GABRB2: variants seen among roughly 807,000 people sequenced by gnomAD.
GABRB2 encodes the protein gamma-aminobutyric acid type A receptor subunit beta2, also known as gamma-aminobutyric acid receptor subunit beta-2.
GABRB2 carries 16 observed loss-of-function variants against 54.7 expected under a neutral mutation model. The ratio of observed to expected loss-of-function variants is 0.29; its 90% CI spans 0.20 to 0.44. The LOEUF (loss-of-function observed/expected upper bound fraction) is 0.44, where lower values mean the gene tolerates loss of function less well. GABRB2 is among the 20% of genes least tolerant of loss of function. The pLI, the probability that GABRB2 is intolerant of heterozygous loss-of-function variation, is 1.00. For synonymous variants in GABRB2, 244 were observed against 233.8 expected (o/e 1.04, Z -0.40); for missense variants, 355 against 644.0 (o/e 0.55, Z 4.86).
At chr5:161,431,051 A>T (rs1757158507) in intron 4 of GABRB2, among the ~76,000 whole-genome samples, 1 of 152,182 alleles carries the variant, frequency 6.6e-6, no homozygotes, top group Non-Finnish European at 1.5e-5. Flanking sequence ...TATCATTTTG[A>T]AAAAGAGATG....
chr5:161,493,134 T>C (rs905646176), intron 3 of GABRB2, among the ~76,000 whole-genome samples: 1 of 151,828 alleles, frequency 6.6e-6, no homozygotes, highest in East Asian at 1.9e-4. Flanking sequence ...ACAAAAAGTT[T>C]TGAATTGTTT....
intron 5 of GABRB2, among the ~76,000 whole-genome samples, chr5:161,357,560 G>C (rs945166095): frequency 6.6e-6 from 1 of 151,064 alleles, no homozygotes; most frequent in Non-Finnish European, 1.5e-5. Flanking sequence ...TGTGTGTTAA[G>C]AGAATTATTC....
intron 6 of GABRB2, among the ~76,000 whole-genome samples, chr5:161,335,615 A>G (rs1406338747): frequency 6.6e-6 from 1 of 152,178 alleles, no homozygotes; most frequent in East Asian, 1.9e-4. Flanking sequence ...AGTTCACATG[A>G]TAAGTAGCTT....
intron 3 of GABRB2, among the ~76,000 whole-genome samples, chr5:161,473,100 T>C (rs1325136439): frequency 6.6e-6 from 1 of 152,000 alleles, no homozygotes; most frequent in Non-Finnish European, 1.5e-5. Flanking sequence ...TATTTTTATA[T>C]TGAGTTTTTT....
intron 3 of GABRB2, among the ~76,000 whole-genome samples, chr5:161,498,515 G>A (rs1309224361): frequency 6.6e-6 from 1 of 152,108 alleles, no homozygotes; most frequent in East Asian, 1.9e-4. Context: ...TCTTCTTGCA[G>A]GTACCCCTTT....
At chr5:161,521,258 C>T (rs374738922) in intron 3 of GABRB2, among the ~76,000 whole-genome samples, 19 of 151,992 alleles carry the variant, frequency 1.3e-4, no homozygotes, top group African/African-American at 3.1e-4. Flanking sequence ...ATCACTAAAA[C>T]CTCCACCACT....
intron 8 of GABRB2, chr5:161,329,318 AATACT>A (rs1459931388): frequency 6.6e-6 from 1 of 152,156 alleles, no homozygotes; most frequent in Admixed American, 6.5e-5. Flanking sequence ...AGGTTTAGAA[AATACT>A]CTTTCATTTG....
chr5:161,368,204 T>C (rs1444714271), intron 5 of GABRB2, among the ~76,000 whole-genome samples: 1 of 150,372 alleles, frequency 6.7e-6, no homozygotes, highest in Non-Finnish European at 1.5e-5. Flanking sequence ...AAAATAATAT[T>C]AGGAAAGGTG....
In GABRB2 at chr5:161,411,932, A is replaced by G. The variant is rs1484173238; in HGVS notation, c.459-875T>C. 2.0e-5 allele frequency among the ~76,000 whole-genome samples: 3 copies of G among 152,114 alleles called. No individual in the cohort carries two copies. In the East Asian group the frequency reaches 5.8e-4, roughly 29 times the overall value. ...AATGTAGGTATGAGTTCCATTTTTT[A>G]GTAAAAACTCCAACAGAGTACTTGG... is the stretch of plus-strand genomic sequence containing the variant. On this transcript the variant is annotated intron_variant, in intron 4 of 9. Coordinates refer to ENST00000393959, the MANE Select transcript of GABRB2 (RefSeq NM_001371727.1).
upstream of GABRB2, chr5:161,546,916 T>G (rs1432017058): frequency 4.0e-6 from 2 of 495,586 alleles, no homozygotes; most frequent in Non-Finnish European, 6.2e-6. Flanking sequence ...AATAAAATTT[T>G]TGTTGTTATC....
chr5:161,335,206 T>C (rs536464369), intron 6 of GABRB2, among the ~76,000 whole-genome samples: 2 of 152,240 alleles, frequency 1.3e-5, no homozygotes, highest in South Asian at 4.2e-4. Flanking sequence ...GACAGTTCTT[T>C]TTTTCATTCT....
At chr5:161,433,352 C>A (rs1190467946) in intron 4 of GABRB2, among the ~76,000 whole-genome samples, 7 of 151,516 alleles carry the variant, frequency 4.6e-5, no homozygotes, top group East Asian at 1.9e-4. Flanking sequence ...GTAATCCCAG[C>A]ACTCTGGGAG....
rs186564476 is a variant in GABRB2, at chr5:161,464,060, C to A, written c.238-4216G>T. On this transcript the variant is annotated intron_variant, in intron 3 of 9. Coordinates refer to ENST00000393959, the MANE Select transcript of GABRB2 (RefSeq NM_001371727.1). ...CAGCAAAGACTTCTTAGATACAAACCTAAAAGTATAAGCAATAAAACAAAA... is the reference window on the plus strand; with the variant it reads ...CAGCAAAGACTTCTTAGATACAAACATAAAAGTATAAGCAATAAAACAAAA... Among the ~76,000 whole-genome samples, 8 of 151,898 alleles carry A rather than the reference C, an allele frequency of 5.3e-5. No homozygotes were observed. In the East Asian group the frequency reaches 1.6e-3, roughly 30 times the overall value.
chr5:161,343,573 A>G (rs1240879156), intron 5 of GABRB2, among the ~76,000 whole-genome samples: 2 of 152,018 alleles, frequency 1.3e-5, no homozygotes, highest in Non-Finnish European at 2.9e-5. Context: ...TGGCTCCACG[A>G]TGTGTTTCTT....
In GABRB2 at chr5:161,326,391, T is replaced by G. The variant is rs1026621473; in HGVS notation, c.1168A>C (p.Asn390His). The stretch of plus-strand genomic sequence containing the variant: ...ACCGTATACAGAGAGAAATCGTAAT[T>G]GGTAGTCCGTCTAGTTGGGGAGAGG... ...GNLSPTRRTT[N>H]YDFSLYTMDP... The change falls in exon 9 of 10, where the codon AAT becomes CAT. Residue 390 changes from asparagine to histidine, a missense_variant. By Grantham distance (68) the Asn-to-His change is moderately conservative. Around this residue, in one of 6 missense-constraint regions of GABRB2, gnomAD observed 201 missense variants for 228.1 expected, o/e 0.88. Coordinates refer to ENST00000393959, the MANE Select transcript of GABRB2 (RefSeq NM_001371727.1). 4 of 1,613,634 alleles carry G rather than the reference T, an allele frequency of 2.5e-6. No homozygotes were observed. In the Admixed American group the frequency reaches 6.7e-5, roughly 27 times the overall value.
rs1461585348 is a variant in GABRB2 at position 161,294,200 on chromosome 5, G to A, written c.1420C>T (p.Leu474=). The change falls in exon 10 of 10, where the codon CTG becomes TTG. Residue 474 remains leucine, a synonymous_variant. Transcript: ENST00000393959. The part of the protein sequence containing the change: ...KSRLRRRASQ[L]KITIPDLTDV... ...GTCAAGTCAGGGATGGTGATTTTCAGTTGGGAGGCGCGTCTCCTCAGGCGA... is the reference window on the plus strand; with the variant it reads ...GTCAAGTCAGGGATGGTGATTTTCAATTGGGAGGCGCGTCTCCTCAGGCGA... The A allele has an allele frequency of 1.2e-6, 2 of 1,614,148 alleles. No individual in the cohort carries two copies. Among genetic ancestry groups the A allele is most frequent in the Admixed American group, 1.7e-5 (1 of 60,000 alleles).
intron 4 of GABRB2, among the ~76,000 whole-genome samples, chr5:161,449,047 G>T (rs1757717296): frequency 6.6e-6 from 1 of 152,072 alleles, no homozygotes; most frequent in African/African-American, 2.4e-5. Flanking sequence ...CTTTTTAAGG[G>T]ACCTTGGAAA....
In GABRB2 at chr5:161,421,314, G is replaced by A. The variant is rs576834069; in HGVS notation, c.459-10257C>T. Reference sequence around the variant, plus strand: ...TCCATGGAGCCTCAGCAACCCAGCAGGGGAGATCTGGCAGGAGTGTTGCCA... The same window carrying A: ...TCCATGGAGCCTCAGCAACCCAGCAAGGGAGATCTGGCAGGAGTGTTGCCA... On this transcript the variant is annotated intron_variant, in intron 4 of 9. Coordinates refer to ENST00000393959, the MANE Select transcript of GABRB2 (RefSeq NM_001371727.1). Among the ~76,000 whole-genome samples, 26 of 152,252 alleles carry A rather than the reference G, an allele frequency of 1.7e-4. 1 individual carries two copies. Among genetic ancestry groups the A allele is most frequent in the Admixed American group, 1.7e-3 (26 of 15,290 alleles).
At chr5:161,306,702 G>A (rs1757700642) in intron 9 of GABRB2, among the ~76,000 whole-genome samples, 1 of 151,798 alleles carries the variant, frequency 6.6e-6, no homozygotes, top group Non-Finnish European at 1.5e-5. Flanking sequence ...GGATGGGGAG[G>A]GTACATGGAA....
Sources: allele counts gnomAD v4.1 joint callset (sites outside exome capture counted in the v4.1 genomes callset), GRCh38; gene constraint gnomAD v4.1.1; regional missense constraint gnomAD v4.1.1; transcripts MANE v1.5; gene names NCBI Gene and HGNC (gene_info 2026-07-23, HGNC 2026-07-21).